Variants in UGT1A9 observed in about 807,000 individuals in gnomAD.
UGT1A9 encodes UDP glucuronosyltransferase family 1 member A9, also known as UDP-glucuronosyltransferase 1A9.
In UGT1A9, 35 loss-of-function variants were observed where a neutral mutation model predicts 45.0. The ratio of observed to expected loss-of-function variants is 0.78; its 90% CI spans 0.59 to 1.03. UGT1A9 has a LOEUF of 1.03. Ranked by LOEUF, UGT1A9 falls within the 50% of genes least tolerant of loss-of-function variation. The pLI, the probability that UGT1A9 is intolerant of heterozygous loss-of-function variation, is 0.00. For missense variants in UGT1A9, 687 were observed against 666.6 expected (o/e 1.03, Z -0.34); for synonymous variants, 278 against 250.6 (o/e 1.11, Z -1.03).
At chr2:233,766,327 G>T (rs373926451) in intron 1 of UGT1A9, among the ~76,000 whole-genome samples, 1 of 152,130 alleles carries the variant, frequency 6.6e-6, no homozygotes, top group Admixed American at 6.5e-5. Flanking sequence ...CAAACTCCGC[G>T]TTGTTCTGCT....
intron 1 of UGT1A9, among the ~76,000 whole-genome samples, chr2:233,733,838 T>C (rs1373301962): frequency 1.3e-5 from 2 of 152,026 alleles, no homozygotes; most frequent in Non-Finnish European, 2.9e-5. Context: ...TTAGGGAGGA[T>C]TCCCTCTTTT....
intron 1 of UGT1A9, among the ~76,000 whole-genome samples, chr2:233,725,932 G>A (rs2077483924): frequency 6.6e-6 from 1 of 152,164 alleles, no homozygotes. Context: ...TTGGGAGACT[G>A]ATGCAGGAGG....
intron 1 of UGT1A9, among the ~76,000 whole-genome samples, chr2:233,674,329 G>A (rs886811477): frequency 6.6e-6 from 1 of 152,158 alleles, no homozygotes; most frequent in African/African-American, 2.4e-5. Context: ...GCTAGGAGAT[G>A]CAAATGGCAG....
intron 1 of UGT1A9, chr2:233,741,799 G>A (rs1253457401): frequency 3.3e-5 from 5 of 151,906 alleles, no homozygotes; most frequent in African/African-American, 1.2e-4. Flanking sequence ...TTACCAGCAT[G>A]CTGCTCTTAA....
In UGT1A9 at chr2:233,672,131, T is replaced by C; in HGVS notation, c.197T>C (p.Leu66Pro). 3 of 1,614,178 alleles carry C rather than the reference T, an allele frequency of 1.9e-6. No homozygotes were observed. The highest frequency in any genetic ancestry group is 2.5e-6 in the Non-Finnish European group (3 of 1,180,008). ...GTCATGCCAGAGGTGAGTTGGCAAC[T>C]GGGAAGATCACTGAATTGCACAGTG... ...VVVMPEVSWQ[L>P]GRSLNCTVKT... Residue 66 changes from leucine to proline, a missense_variant, in exon 1 of 5, where the codon CTG (leucine) becomes CCG (proline). Coordinates refer to ENST00000354728, the MANE Select transcript of UGT1A9 (RefSeq NM_021027.3).
chr2:233,718,121 TG>T, intron 1 of UGT1A9: 1 of 289,636 alleles, frequency 3.5e-6, no homozygotes. Context: ...TCTTATTCCA[TG>T]GTGTAGATGG....
At chr2:233,729,556 A>T (rs150465811) in intron 1 of UGT1A9, 1 of 1,614,134 alleles carries the variant, frequency 6.2e-7, no homozygotes, top group East Asian at 2.2e-5. Context: ...CCTGAATGCT[A>T]CTTCCTTTGA....
chr2:233,744,040 C>T (rs1692664957), intron 1 of UGT1A9: 2 of 766,390 alleles, frequency 2.6e-6, no homozygotes, highest in South Asian at 1.7e-5. Context: ...TATGACGCAG[C>T]CACATCTCAT....
chr2:233,738,641 GCT>G (rs1690860482), intron 1 of UGT1A9, among the ~76,000 whole-genome samples: 1 of 152,206 alleles, frequency 6.6e-6, no homozygotes, highest in Non-Finnish European at 1.5e-5. Flanking sequence ...CTGCCCTAGA[GCT>G]CTTTGGAACT....
chr2:233,697,795 A>AT (rs912508781), intron 1 of UGT1A9, among the ~76,000 whole-genome samples: 1 of 152,102 alleles, frequency 6.6e-6, no homozygotes, highest in Non-Finnish European at 1.5e-5. Flanking sequence ...GTTTCAAGTA[A>AT]TTTTTAAATT....
intron 1 of UGT1A9, among the ~76,000 whole-genome samples, chr2:233,756,884 T>C (rs1289001884): frequency 6.6e-6 from 1 of 152,128 alleles, no homozygotes; most frequent in Non-Finnish European, 1.5e-5. Flanking sequence ...GTAATGAGGA[T>C]GTGTTATCTC....
In UGT1A9 at chr2:233,701,509, A is replaced by G. The variant is rs371622250; in HGVS notation, c.855+28720A>G. The stretch of plus-strand genomic sequence containing the variant: ...CCAAGCGGACCTAATAGACATCTAC[A>G]GAACTCTCCACCCCAAATCAACAGA... On this transcript the variant is annotated intron_variant, in intron 1 of 4. Transcript: ENST00000354728. 2.7e-3 allele frequency among the ~76,000 whole-genome samples: 411 copies of G among 152,304 alleles called. 2 individuals are homozygous for G. The highest frequency in any genetic ancestry group is 0.027 in the South Asian group (129 of 4,822).
intron 1 of UGT1A9, among the ~76,000 whole-genome samples, chr2:233,746,573 G>A (rs1403247476): frequency 6.6e-6 from 1 of 151,756 alleles, no homozygotes; most frequent in Admixed American, 6.5e-5. Flanking sequence ...ACCACACCCT[G>A]TAATTGCCTA....
chr2:233,734,726 T>C (rs1273359481), intron 1 of UGT1A9, among the ~76,000 whole-genome samples: 1 of 150,790 alleles, frequency 6.6e-6, no homozygotes, highest in African/African-American at 2.4e-5. Flanking sequence ...TTTGTTCTCG[T>C]CGGTTTCAAA....
intron 1 of UGT1A9, chr2:233,682,463 T>A: frequency 6.2e-7 from 1 of 1,613,942 alleles, no homozygotes; most frequent in Admixed American, 1.7e-5. Flanking sequence ...ATTTTGCCAC[T>A]ATCTTGAAGA....
chr2:233,725,714 T>G lies in UGT1A9; in HGVS notation c.856-41320T>G, dbSNP rs572434706. Among the ~76,000 whole-genome samples, 94 of 152,356 alleles carry G rather than the reference T, an allele frequency of 6.2e-4. 1 individual carries two copies. In the South Asian group the frequency reaches 0.019, roughly 32 times the overall value. ...AGTCATATGTAGTTAGTGACTACCA[T>G]ATGGTCAATGTTTACAAATGTAAAC... On this transcript the variant is annotated intron_variant, in intron 1 of 4. Transcript: ENST00000354728.
intron 1 of UGT1A9, among the ~76,000 whole-genome samples, chr2:233,704,865 G>A (rs1559353714): frequency 1.3e-5 from 2 of 152,168 alleles, no homozygotes; most frequent in South Asian, 4.1e-4. Flanking sequence ...CGGGCACGGT[G>A]GCTCACTCCT....
intron 1 of UGT1A9, among the ~76,000 whole-genome samples, chr2:233,732,068 C>T (rs1485941196): frequency 6.6e-6 from 1 of 152,198 alleles, no homozygotes; most frequent in Non-Finnish European, 1.5e-5. Flanking sequence ...TGTCTGTTGG[C>T]TGCATAAATG....
At chr2:233,703,078 G>C (rs937204099) in intron 1 of UGT1A9, among the ~76,000 whole-genome samples, 2 of 152,100 alleles carry the variant, frequency 1.3e-5, no homozygotes, top group African/African-American at 4.8e-5. Flanking sequence ...TCTGGGCCTA[G>C]GCTTTTCTTG....
Sources: allele counts gnomAD v4.1 joint callset (sites outside exome capture counted in the v4.1 genomes callset), GRCh38; gene constraint gnomAD v4.1.1; transcripts MANE v1.5; gene names NCBI Gene and HGNC (gene_info 2026-07-23, HGNC 2026-07-21).